Variants in GLRA3 observed in about 807,000 individuals in gnomAD.
The protein encoded by GLRA3 is glycine receptor alpha 3, also known as glycine receptor subunit alpha-3.
In GLRA3, 44 loss-of-function variants were observed where a neutral mutation model predicts 60.4. That is an observed-to-expected ratio of 0.73 (90% confidence interval 0.57 to 0.94). The LOEUF is 0.94. Among genes scored for constraint, GLRA3 ranks in the 40% least tolerant of loss-of-function variants. GLRA3 has a pLI of 0.00. For missense variants in GLRA3, 508 were observed against 564.6 expected, an observed-to-expected ratio of 0.90 and a Z score of 1.02; for synonymous variants, 223 against 192.9, an observed-to-expected ratio of 1.16 and a Z score of -1.29.
intron 1 of GLRA3, among the ~76,000 whole-genome samples, chr4:174,823,706 G>C (rs1441856694): frequency 3.3e-5 from 5 of 152,128 alleles, no homozygotes. Context: ...CCCTGAAAAT[G>C]TCCTGAGAAA....
chr4:174,779,188 C>G (rs1159112610), intron 2 of GLRA3, among the ~76,000 whole-genome samples: 4 of 152,250 alleles, frequency 2.6e-5, no homozygotes, highest in South Asian at 2.1e-4. Context: ...TGGGAGGCAC[C>G]CCCCAGCAGG....
intron 5 of GLRA3, among the ~76,000 whole-genome samples, chr4:174,696,512 G>C (rs547032850): frequency 1.1e-4 from 16 of 149,134 alleles, no homozygotes; most frequent in Non-Finnish European, 2.4e-4. Context: ...AAAATGAAAA[G>C]ATAATTCTAT....
intron 5 of GLRA3, among the ~76,000 whole-genome samples, chr4:174,707,660 T>C (rs1282304769): frequency 6.6e-6 from 1 of 152,216 alleles, no homozygotes; most frequent in Non-Finnish European, 1.5e-5. Context: ...CTGGGTGTGT[T>C]TAACTTGCAG....
chr4:174,769,264 T>A (rs966915603), intron 2 of GLRA3, among the ~76,000 whole-genome samples: 4 of 152,092 alleles, frequency 2.6e-5, no homozygotes, highest in Admixed American at 6.6e-5. Flanking sequence ...AAGCCTTTTT[T>A]CTGTCTTCCT....
intron 3 of GLRA3, among the ~76,000 whole-genome samples, chr4:174,738,641 A>T (rs1462872974): frequency 6.6e-6 from 1 of 152,198 alleles, no homozygotes; most frequent in East Asian, 1.9e-4. Context: ...TCATTTCCAC[A>T]TTATAGTTTT....
chr4:174,730,780 T>C (rs977587558), intron 3 of GLRA3, among the ~76,000 whole-genome samples: 3 of 152,206 alleles, frequency 2.0e-5, no homozygotes, highest in Non-Finnish European at 4.4e-5. Context: ...CCAAATGTTA[T>C]CATATACCCA....
At chr4:174,789,919 C>T (rs1248341857) in intron 1 of GLRA3, among the ~76,000 whole-genome samples, 1 of 152,168 alleles carries the variant, frequency 6.6e-6, no homozygotes, top group Non-Finnish European at 1.5e-5. Flanking sequence ...CCATTTGGGT[C>T]ACCACATGAT....
intron 5 of GLRA3, among the ~76,000 whole-genome samples, chr4:174,693,792 G>T (rs1302043994): frequency 1.3e-5 from 2 of 152,048 alleles, no homozygotes; most frequent in Admixed American, 1.3e-4. Context: ...GCACAGAGTG[G>T]CAAGCTGGAT....
intron 5 of GLRA3, among the ~76,000 whole-genome samples, chr4:174,700,384 T>C (rs1231726097): frequency 6.6e-6 from 1 of 152,190 alleles, no homozygotes; most frequent in Non-Finnish European, 1.5e-5. Flanking sequence ...ATTTCAAACT[T>C]TGTCATTATT....
At chr4:174,748,867 T>C (rs1737349139) in intron 3 of GLRA3, among the ~76,000 whole-genome samples, 1 of 152,092 alleles carries the variant, frequency 6.6e-6, no homozygotes, top group Admixed American at 6.5e-5. Flanking sequence ...ATTAGAAAGA[T>C]AGAAAGATAT....
chr4:174,683,334 T>C (rs1734426962), intron 5 of GLRA3, among the ~76,000 whole-genome samples: 1 of 152,206 alleles, frequency 6.6e-6, no homozygotes, highest in African/African-American at 2.4e-5. Flanking sequence ...AAAACTGAAA[T>C]TGTCACTCGT....
intron 5 of GLRA3, among the ~76,000 whole-genome samples, chr4:174,710,339 C>T (rs1432921846): frequency 6.6e-6 from 1 of 151,988 alleles, no homozygotes; most frequent in Non-Finnish European, 1.5e-5. Flanking sequence ...AAAATTTTCA[C>T]AAAAAACACA....
At chr4:174,761,950 TAATA>T (rs1737957458) in intron 3 of GLRA3, among the ~76,000 whole-genome samples, 1 of 152,156 alleles carries the variant, frequency 6.6e-6, no homozygotes, top group East Asian at 1.9e-4. Flanking sequence ...TATGATTCAG[TAATA>T]AGTAAAGAAG....
intron 2 of GLRA3, among the ~76,000 whole-genome samples, chr4:174,783,209 A>G (rs1039400050): frequency 6.6e-5 from 10 of 151,040 alleles, no homozygotes; most frequent in African/African-American, 2.4e-4. Context: ...AGAAAAACAA[A>G]CAATGGGGAA....
chr4:174,647,705 CA>C (rs1732878790), intron 9 of GLRA3, among the ~76,000 whole-genome samples: 1 of 151,560 alleles, frequency 6.6e-6, no homozygotes, highest in Non-Finnish European at 1.5e-5. Context: ...GGCAACAGGT[CA>C]AAATAACTTC....
intron 7 of GLRA3, among the ~76,000 whole-genome samples, chr4:174,670,812 T>G (rs999867718): frequency 3.3e-5 from 5 of 152,120 alleles, no homozygotes; most frequent in Admixed American, 3.3e-4. Flanking sequence ...GGTCCTAAGA[T>G]GAAATGTAGA....
Position 174,677,137 on chromosome 4 carries a change from TC to T in GLRA3, c.867del (p.Ile290Ter). On this transcript the variant is annotated frameshift_variant, in exon 7 of 10. Coordinates refer to ENST00000274093, the MANE Select transcript of GLRA3 (RefSeq NM_006529.4). LOFTEE classifies it high-confidence loss of function. The stretch of plus-strand genomic sequence containing the variant: ...GTAGTCATCGTTAGCACAGTGGTTA[TC>T]CCCAGAGCTACCCTGGCCGGTGCTG... Reference protein sequence around the residue: ...MDAAPARVALGITTVLTMTTQ... With the variant: ...MDAAPARVALXITTVLTMTTQ... The T allele has an allele frequency of 1.2e-6, 2 of 1,613,606 alleles. No homozygotes were observed. The highest frequency in any genetic ancestry group is 2.2e-5 in the East Asian group (1 of 44,856).
intron 3 of GLRA3, among the ~76,000 whole-genome samples, chr4:174,730,945 T>C (rs2111140142): frequency 6.6e-6 from 1 of 152,282 alleles, no homozygotes; most frequent in East Asian, 1.9e-4. Flanking sequence ...GTAAGTACAG[T>C]TAATAATAAT....
intron 1 of GLRA3, among the ~76,000 whole-genome samples, chr4:174,812,790 AG>A: frequency 6.6e-6 from 1 of 152,290 alleles, no homozygotes; most frequent in South Asian, 2.1e-4. Flanking sequence ...CTAATATTCT[AG>A]GTTACCCACT....
Sources: gnomAD v4.1 joint callset for allele counts (sites outside exome capture counted in the v4.1 genomes callset) on GRCh38, gnomAD v4.1.1 for gene constraint, MANE v1.5 for transcripts, NCBI Gene and HGNC (gene_info 2026-07-23, HGNC 2026-07-21) for gene names.